The following YBX1 variants were observed in gnomAD, a reference collection of about 807,000 sequenced individuals.
YBX1 encodes the protein Y-box binding protein 1.
YBX1 carries 3 observed loss-of-function variants against 41.4 expected under a neutral mutation model. The observed-to-expected ratio is 0.07, with a 90% CI of 0.03 to 0.19. YBX1 has a LOEUF of 0.19. YBX1 is among the 10% of genes least tolerant of loss of function. The pLI is 1.00. For missense variants in YBX1, 274 were observed against 462.8 expected (o/e 0.59, Z 3.74); for synonymous variants, 133 against 165.8 (o/e 0.80, Z 1.52).
At chr1:42,689,196 T>C (rs979115322) in intron 2 of YBX1, among the ~76,000 whole-genome samples, 2 of 152,216 alleles carry the variant, frequency 1.3e-5, no homozygotes, top group Non-Finnish European at 2.9e-5. Flanking sequence ...GGCAGAATCA[T>C]AGACAATATG....
chr1:42,683,193 C>A, intron 1 of YBX1: 1 of 673,670 alleles, frequency 1.5e-6, no homozygotes. Context: ...GCCCGCGCCC[C>A]GGGCCTGCCC....
intron 2 of YBX1, among the ~76,000 whole-genome samples, chr1:42,688,519 T>C (rs1017932505): frequency 6.6e-5 from 10 of 152,218 alleles, no homozygotes; most frequent in Non-Finnish European, 1.0e-4. Flanking sequence ...TATTATAATA[T>C]GTAGCCACTG....
At chr1:42,687,471 A>G (rs1215709980) in intron 2 of YBX1, among the ~76,000 whole-genome samples, 2 of 152,088 alleles carry the variant, frequency 1.3e-5, no homozygotes, top group Non-Finnish European at 2.9e-5. Flanking sequence ...TAGTGGAAAC[A>G]GGGTTTCTCC....
At position 42,696,789 on chromosome 1, in the gene YBX1, G is replaced by A; in HGVS notation, c.502G>A (p.Gly168Arg). 6.2e-7 allele frequency: 1 copy of A among 1,613,758 alleles called. No homozygotes were observed. The highest frequency in any genetic ancestry group is 8.5e-7 in the Non-Finnish European group (1 of 1,179,828). The change falls in exon 5 of 8, where the codon GGG becomes AGG. Residue 168 changes from glycine to arginine, a missense_variant. Coordinates refer to ENST00000321358, the MANE Select transcript of YBX1 (RefSeq NM_004559.5). The surrounding 1 kb of genome is among the most constrained non-coding windows in gnomAD (Gnocchi z 5.7). Reference sequence around the variant, plus strand: ...GCAAAATTACCAGAATAGTGAGAGTGGGGAAAAGAACGAGGGATCGGAGAG... The same window carrying A: ...GCAAAATTACCAGAATAGTGAGAGTAGGGAAAAGAACGAGGGATCGGAGAG... ...YQQNYQNSES[G>R]EKNEGSESAP...
chr1:42,684,809 T>G (rs1229089587), intron 2 of YBX1, among the ~76,000 whole-genome samples: 3 of 152,268 alleles, frequency 2.0e-5, no homozygotes, highest in African/African-American at 7.2e-5. Flanking sequence ...CTGATCTCTC[T>G]GAACTTTCTA....
chr1:42,682,945 C>CGCGGCCGCGCGCCCCTCCCCCT (rs1338059966), intron 1 of YBX1: 5 of 149,234 alleles, frequency 3.4e-5, no homozygotes, highest in African/African-American at 5.0e-5. Context: ...GTGGACCCCG[C>CGCGGCCGCGCGCCCCTCCCCCT]GCGGCCGCGC....
intron 1 of YBX1, 102 bp downstream of exon 1, chr1:42,682,833 C>A: frequency 1.4e-6 from 1 of 717,196 alleles, no homozygotes; most frequent in Non-Finnish European, 1.9e-6. Flanking sequence ...CGGTGGGCAC[C>A]GACTCCGCGG....
At chr1:42,689,466 C>CATT (rs1363184273) in intron 2 of YBX1, among the ~76,000 whole-genome samples, 1 of 152,090 alleles carries the variant, frequency 6.6e-6, no homozygotes, top group Non-Finnish European at 1.5e-5. Context: ...AGTATAAGAG[C>CATT]ATTTAGTTAC....
chr1:42,682,876 C>G (rs1339185058), intron 1 of YBX1, 145 bp downstream of exon 1: 26 of 337,408 alleles, frequency 7.7e-5, no homozygotes, highest in Non-Finnish European at 1.2e-4. Flanking sequence ...GTCCCCCCCT[C>G]ACTCCCTCTC....
intron 1 of YBX1, 70 bp downstream of exon 1, chr1:42,682,801 G>C: frequency 9.2e-7 from 1 of 1,088,748 alleles, no homozygotes; most frequent in Non-Finnish European, 1.1e-6. Flanking sequence ...GCCGGAGCTG[G>C]GCGAGCCGGC....
intron 2 of YBX1, among the ~76,000 whole-genome samples, chr1:42,685,814 C>T (rs1011830524): frequency 1.3e-5 from 2 of 152,074 alleles, no homozygotes; most frequent in Non-Finnish European, 2.9e-5. Context: ...TGTGTTTATT[C>T]CAGCCTGAAT....
intron 2 of YBX1, among the ~76,000 whole-genome samples, chr1:42,686,661 A>G (rs1413165739): frequency 6.6e-6 from 1 of 152,216 alleles, no homozygotes; most frequent in Non-Finnish European, 1.5e-5. Context: ...GGGATTCCAT[A>G]TGTACATAAC....
intron 2 of YBX1, among the ~76,000 whole-genome samples, chr1:42,690,462 T>C (rs2148737587): frequency 6.6e-6 from 1 of 152,028 alleles, no homozygotes; most frequent in East Asian, 1.9e-4. Context: ...ATTTTGGGGG[T>C]CCTATATTGT....
intron 3 of YBX1, among the ~76,000 whole-genome samples, chr1:42,695,038 T>C (rs1447686572): frequency 2.0e-5 from 3 of 152,250 alleles, no homozygotes; most frequent in African/African-American, 7.2e-5. Flanking sequence ...CTGAAAGGTA[T>C]GAAAACTATG....
chr1:42,685,893 A>G (rs558124227), intron 2 of YBX1, among the ~76,000 whole-genome samples: 1 of 152,356 alleles, frequency 6.6e-6, no homozygotes, highest in Non-Finnish European at 1.5e-5. Context: ...TGATGGTTAT[A>G]TTGTGAAGAA....
intron 2 of YBX1, among the ~76,000 whole-genome samples, chr1:42,688,133 A>G (rs1650243430): frequency 1.3e-5 from 2 of 152,194 alleles, no homozygotes; most frequent in African/African-American, 2.4e-5. Context: ...GTGTCCTCCC[A>G]AAGTACAATC....
intron 7 of YBX1, 28 bp from the exon 8 acceptor site, chr1:42,701,953 A>G (rs1019344800): frequency 1.3e-5 from 2 of 153,514 alleles, no homozygotes; most frequent in Admixed American, 1.3e-4. Flanking sequence ...TGAATTCTAC[A>G]TGATCATCTT....
At chr1:42,683,532 C>T in intron 2 of YBX1, 66 bp downstream of exon 2, 1 of 1,590,544 alleles carries the variant, frequency 6.3e-7, no homozygotes, top group South Asian at 1.1e-5. Context: ...GTCGGCTTCT[C>T]GGGGCTTGGG....
chr1:42,698,504 A>G (rs1407602359), intron 6 of YBX1, among the ~76,000 whole-genome samples: 1 of 152,210 alleles, frequency 6.6e-6, no homozygotes, highest in Non-Finnish European at 1.5e-5. Context: ...TGTTAAGTCC[A>G]TGGGTTCCAG....
Sources: gnomAD v4.1 joint callset for allele counts (sites outside exome capture counted in the v4.1 genomes callset) on GRCh38, gnomAD v4.1.1 for gene constraint, Gnocchi (gnomAD v3.1) non-coding constraint, MANE v1.5 for transcripts, NCBI Gene and HGNC (gene_info 2026-07-23, HGNC 2026-07-21) for gene names.